SCAF8: variants seen among roughly 807,000 people sequenced by gnomAD.
The protein encoded by SCAF8 is SR-related CTD associated factor 8.
SCAF8 carries 23 observed loss-of-function variants against 140.5 expected under a neutral mutation model. The observed-to-expected ratio is 0.16, with a 90% CI of 0.12 to 0.23. SCAF8 has a LOEUF of 0.23. Ranked by LOEUF, SCAF8 falls within the 10% of genes least tolerant of loss-of-function variation. The pLI, the probability that SCAF8 is intolerant of heterozygous loss-of-function variation, is 1.00. For missense variants in SCAF8, 1,397 were observed against 1,555.7 expected (o/e 0.90, Z 1.72); for synonymous variants, 575 against 528.9 (o/e 1.09, Z -1.20).
chr6:154,792,334 C>G (rs188980290), intron 4 of SCAF8, among the ~76,000 whole-genome samples: 6 of 152,276 alleles, frequency 3.9e-5, no homozygotes, highest in African/African-American at 1.2e-4. Context: ...AGGAAATGCC[C>G]TCTCCTCAAG....
At position 154,815,703 on chromosome 6, in the gene SCAF8, T is replaced by C. The variant is rs1292764202; in HGVS notation, c.1421-13T>C. 3 of 1,534,694 alleles carry C rather than the reference T, an allele frequency of 2.0e-6. No individual in the cohort carries two copies. The highest frequency in any genetic ancestry group is 2.7e-6 in the Non-Finnish European group (3 of 1,109,736). On this transcript the variant is annotated splice_polypyrimidine_tract_variant and intron_variant, in intron 12 of 19. Coordinates refer to ENST00000367178, the MANE Select transcript of SCAF8 (RefSeq NM_014892.5). ...TAAATGATTTAGGTCATTTGTCTCT[T>C]GTGTCTTGACAGTATGTAGTACTAC... is the stretch of plus-strand genomic sequence containing the variant.
intron 1 of SCAF8, among the ~76,000 whole-genome samples, chr6:154,740,836 G>C (rs1441217112): frequency 6.6e-6 from 1 of 152,010 alleles, no homozygotes; most frequent in Admixed American, 6.6e-5. Context: ...CCAGGCTGGT[G>C]TAGAACTCCT....
At chr6:154,827,843 G>A (rs1022779256) in intron 18 of SCAF8, among the ~76,000 whole-genome samples, 2 of 150,020 alleles carry the variant, frequency 1.3e-5, no homozygotes, top group Non-Finnish European at 3.0e-5. Context: ...GCGGGGGGGG[G>A]GGCGGTGTAA....
In SCAF8 at chr6:154,834,151, T is replaced by A. The variant is rs1778830653; in HGVS notation, c.*756T>A. 6.6e-6 allele frequency: 1 copy of A among 152,202 alleles called. No homozygotes were observed. The highest frequency in any genetic ancestry group is 2.4e-5 in the African/African-American group (1 of 41,458). The allele number at this position is 152,202 out of a possible 1,614,324, so 9.4% of individuals were successfully genotyped here. A position where few individuals can be genotyped will look rare whatever the true frequency, so the allele number is the denominator to read the frequency against. On this transcript the variant is annotated 3_prime_UTR_variant, in exon 20 of 20. Transcript: ENST00000367178. ...GTGCTTATTTTTTGCAAAAGCTTTCTATCATAACAACAATGAACTATGTGG... is the reference window on the plus strand; with the variant it reads ...GTGCTTATTTTTTGCAAAAGCTTTCAATCATAACAACAATGAACTATGTGG...
intron 12 of SCAF8, among the ~76,000 whole-genome samples, chr6:154,812,199 TAAA>T (rs1778113004): frequency 8.0e-6 from 1 of 125,408 alleles, no homozygotes; most frequent in Non-Finnish European, 1.6e-5. Flanking sequence ...TTTTTTTTTT[TAAA>T]TAGGTTGAAG....
At chr6:154,827,459 G>A (rs1403857315) in intron 18 of SCAF8, among the ~76,000 whole-genome samples, 1 of 152,142 alleles carries the variant, frequency 6.6e-6, no homozygotes, top group East Asian at 1.9e-4. Flanking sequence ...TCAAAATTCA[G>A]AGAAGGTCCT....
At chr6:154,755,381 G>T (rs1375229104) in intron 1 of SCAF8, among the ~76,000 whole-genome samples, 1 of 152,048 alleles carries the variant, frequency 6.6e-6, no homozygotes, top group African/African-American at 2.4e-5. Flanking sequence ...AGCCTCCCGA[G>T]TAGCTAGGAT....
At chr6:154,737,708 T>G (rs1168816265) in intron 1 of SCAF8, among the ~76,000 whole-genome samples, 1 of 151,884 alleles carries the variant, frequency 6.6e-6, no homozygotes, top group African/African-American at 2.4e-5. Flanking sequence ...TCAGAAAAAT[T>G]GAGACAGGTA....
chr6:154,765,252 G>A (rs1776529836), intron 1 of SCAF8, among the ~76,000 whole-genome samples: 1 of 152,292 alleles, frequency 6.6e-6, no homozygotes. Flanking sequence ...AGCACCATCA[G>A]ATGGAGGTCT....
In SCAF8 at chr6:154,833,294, A is replaced by G; in HGVS notation, c.3715A>G (p.Lys1239Glu). ...ACAGAATGATCCTGAACTTTATGAA[A>G]AACTGACATCTTCAAATGAAATAAA... ...PVQNDPELYE[K>E]LTSSNEINKE... The change falls in exon 20 of 20, where the codon AAA becomes GAA. Residue 1239 changes from lysine (K) to glutamate (E), a missense_variant. By Grantham distance (56) the Lys-to-Glu change is moderately conservative. Around this residue, in one of 5 missense-constraint regions of SCAF8, gnomAD observed 930 missense variants for 874.6 expected, o/e 1.06. Transcript: ENST00000367178. 6.2e-7 allele frequency: 1 copy of G among 1,614,074 alleles called. No individual in the cohort carries two copies. Among genetic ancestry groups the G allele is most frequent in the Non-Finnish European group, 8.5e-7 (1 of 1,179,994 alleles).
rs1778735701 is a variant in SCAF8, at chr6:154,831,596, A to G, written c.2360-343A>G. ...TCCCACTGTTGGTACATTAAGAATT[A>G]TGGTTTAGAGGCACTTGACCTTGAT... On this transcript the variant is annotated intron_variant, in intron 19 of 19. Coordinates refer to ENST00000367178, the MANE Select transcript of SCAF8 (RefSeq NM_014892.5). Among the ~76,000 whole-genome samples, 6 of 150,070 alleles carry G rather than the reference A, an allele frequency of 4.0e-5. No individual in the cohort carries two copies. The Admixed American group carries it at 4.0e-4, about 10-fold the overall frequency.
chr6:154,800,430 G>C (rs1186038431), intron 6 of SCAF8, among the ~76,000 whole-genome samples: 1 of 151,568 alleles, frequency 6.6e-6, no homozygotes, highest in African/African-American at 2.4e-5. Context: ...AGCTATTAAT[G>C]ACAAAGTTAA....
chr6:154,770,898 C>A (rs1377830539), intron 1 of SCAF8, among the ~76,000 whole-genome samples: 1 of 152,160 alleles, frequency 6.6e-6, no homozygotes, highest in African/African-American at 2.4e-5. Context: ...GCATTTACCA[C>A]TACACCTGGG....
At chr6:154,752,519 A>G (rs73010920) in intron 1 of SCAF8, among the ~76,000 whole-genome samples, 70 of 152,256 alleles carry the variant, frequency 4.6e-4, no homozygotes, top group Non-Finnish European at 4.7e-4. Flanking sequence ...AGAGGCTGCA[A>G]CTGCGGAACA....
chr6:154,788,800 T>A (rs1162170484), intron 4 of SCAF8, among the ~76,000 whole-genome samples: 1 of 152,244 alleles, frequency 6.6e-6, no homozygotes, highest in East Asian at 1.9e-4. Flanking sequence ...CTTTGGATCA[T>A]GAGCGAGCAT....
At chr6:154,816,733 A>C (rs1778262333) in intron 13 of SCAF8, among the ~76,000 whole-genome samples, 1 of 152,158 alleles carries the variant, frequency 6.6e-6, no homozygotes, top group Admixed American at 6.5e-5. Flanking sequence ...TTCTAGTCTT[A>C]GTTCCCAGTC....
rs1263648879 is a variant in SCAF8 at position 154,810,029 on chromosome 6, G to A, written c.1241G>A (p.Arg414Gln). ...SRSRSRSPRK[R>Q]RSRSRSGSRK... is the part of the protein sequence containing the mutation. ...ATTTTTTGTAGATCACCAAGAAAACGAAGGTCTAGGTCACGGTCTGGCTCT... is the reference window on the plus strand; with the variant it reads ...ATTTTTTGTAGATCACCAAGAAAACAAAGGTCTAGGTCACGGTCTGGCTCT... The change falls in exon 12 of 20, where the codon CGA becomes CAA. Residue 414 changes from arginine (R) to glutamine (Q), a missense_variant. Physicochemically the swap from Arg to Gln is conservative, Grantham distance 43. Around this residue, in one of 5 missense-constraint regions of SCAF8, gnomAD observed 339 missense variants for 407.5 expected, o/e 0.83. Transcript: ENST00000367178. 1.2e-5 allele frequency: 19 copies of A among 1,586,342 alleles called. No individual in the cohort carries two copies. Among genetic ancestry groups the A allele is most frequent in the Non-Finnish European group, 1.5e-5 (18 of 1,173,060 alleles).
chr6:154,791,460 GAA>G (rs2114876834), intron 4 of SCAF8, among the ~76,000 whole-genome samples: 1 of 152,274 alleles, frequency 6.6e-6, no homozygotes, highest in African/African-American at 2.4e-5. Context: ...ATCGCTATAA[GAA>G]GAGCTGTAAC....
At chr6:154,813,622 T>C (rs1778158249) in intron 12 of SCAF8, among the ~76,000 whole-genome samples, 1 of 152,182 alleles carries the variant, frequency 6.6e-6, no homozygotes, top group Non-Finnish European at 1.5e-5. Flanking sequence ...CCCTAAAAGG[T>C]ATCTACATTT....
Sources: allele counts gnomAD v4.1 joint callset (sites outside exome capture counted in the v4.1 genomes callset), GRCh38; gene constraint gnomAD v4.1.1; regional missense constraint gnomAD v4.1.1; transcripts MANE v1.5; gene names NCBI Gene and HGNC (gene_info 2026-07-23, HGNC 2026-07-21).